The following GOLIM4 variants were observed in gnomAD, a reference collection of about 807,000 sequenced individuals.
GOLIM4 encodes the protein golgi integral membrane protein 4, also known as 130 kDa golgi-localized phosphoprotein.
A neutral mutation model predicts 107.4 loss-of-function variants in GOLIM4; 71 were observed. That is an observed-to-expected ratio of 0.66 (90% CI 0.55 to 0.81). The LOEUF is 0.81. Ranked by LOEUF, GOLIM4 falls within the 30% of genes least tolerant of loss-of-function variation. GOLIM4 has a pLI of 0.00. For missense variants in GOLIM4, 830 were observed against 826.1 expected (o/e 1.00, Z -0.06); for synonymous variants, 327 against 294.8 (o/e 1.11, Z -1.12).
chr3:168,048,226 A>T (rs1299233529), intron 2 of GOLIM4, 65 bp downstream of exon 2: 2 of 848,886 alleles, frequency 2.4e-6, no homozygotes, highest in Non-Finnish European at 3.9e-6. Flanking sequence ...ATTGTAAACC[A>T]AGTATATGAT....
At chr3:168,091,028 G>C (rs1280067199) in intron 1 of GOLIM4, among the ~76,000 whole-genome samples, 3 of 152,094 alleles carry the variant, frequency 2.0e-5, no homozygotes, top group African/African-American at 4.8e-5. Flanking sequence ...AGGCTAGCAG[G>C]GGGTGAGAGT....
chr3:168,038,973 C>G (rs1232650702), intron 7 of GOLIM4, among the ~76,000 whole-genome samples: 1 of 152,188 alleles, frequency 6.6e-6, no homozygotes, highest in East Asian at 1.9e-4. Context: ...GAGAATTCAA[C>G]AGTCTGCAAC....
chr3:168,047,873 C>A lies in GOLIM4; in HGVS notation c.262+418G>T, dbSNP rs578182101. On this transcript the variant is annotated intron_variant, in intron 2 of 15. Transcript: ENST00000470487. ...AATGGACAATGGGATCAATTCATTA[C>A]GGTATAAATATATATGTATGTGTAT... 3.3e-5 allele frequency among the ~76,000 whole-genome samples: 5 copies of A among 152,210 alleles called. No homozygotes were observed. In the South Asian group the frequency reaches 8.3e-4, roughly 25 times the overall value.
At chr3:168,040,406 A>G (rs1718914558) in intron 7 of GOLIM4, among the ~76,000 whole-genome samples, 1 of 152,224 alleles carries the variant, frequency 6.6e-6, no homozygotes, top group Non-Finnish European at 1.5e-5. Flanking sequence ...CAGAAGAAAA[A>G]GTCTGACAAT....
intron 1 of GOLIM4, among the ~76,000 whole-genome samples, chr3:168,075,169 A>G (rs1721007446): frequency 1.3e-5 from 2 of 152,206 alleles, no homozygotes; most frequent in African/African-American, 2.4e-5. Context: ...AGAAAAAACA[A>G]AAATAAAACT....
At chr3:168,059,413 T>A (rs972609867) in intron 1 of GOLIM4, among the ~76,000 whole-genome samples, 1 of 152,188 alleles carries the variant, frequency 6.6e-6, no homozygotes, top group Admixed American at 6.5e-5. Flanking sequence ...AAAATTAAAA[T>A]ATGCAACATA....
At chr3:168,037,222 C>A (rs1718706487) in intron 7 of GOLIM4, among the ~76,000 whole-genome samples, 1 of 152,112 alleles carries the variant, frequency 6.6e-6, no homozygotes, top group Admixed American at 6.5e-5. Flanking sequence ...ATATCTAAGA[C>A]AGATGTTAGT....
chr3:168,093,573 G>A (rs772935496), intron 1 of GOLIM4, among the ~76,000 whole-genome samples: 11 of 152,130 alleles, frequency 7.2e-5, no homozygotes, highest in Non-Finnish European at 1.5e-4. Context: ...TTTTCCCTTG[G>A]TCTGACTCCA....
chr3:168,024,887 T>C (rs1425183533), intron 13 of GOLIM4, 41 bp downstream of exon 13: 5 of 1,556,200 alleles, frequency 3.2e-6, no homozygotes, highest in South Asian at 2.2e-5. Context: ...TTTCTTAAAA[T>C]AGCCCAGTTA....
intron 14 of GOLIM4, among the ~76,000 whole-genome samples, chr3:168,021,860 T>C (rs183253968): frequency 1.3e-5 from 2 of 152,286 alleles, no homozygotes; most frequent in East Asian, 3.9e-4. Flanking sequence ...TCTGATTTCT[T>C]GGTCATTTAA....
Position 168,029,226 on chromosome 3 carries a change from C to T in GOLIM4, c.1510G>A (p.Gly504Arg). The part of the protein sequence containing the change: ...AEDQGIQGEE[G>R]AYERDNQHQD... ...ATCATCTAGGAAGTCTCACCACCTC[C>T]TTCCTCTCCTTGGATTCCCTGGTCC... Residue 504 changes from glycine (G) to arginine (R), a missense_variant, in exon 11 of 16, where the codon GGA becomes AGA. Gly to Arg is a moderately radical substitution (Grantham distance 125). Transcript: ENST00000470487. 6.3e-7 allele frequency: 1 copy of T among 1,591,534 alleles called. No individual in the cohort carries two copies. Among genetic ancestry groups the T allele is most frequent in the Non-Finnish European group, 8.6e-7 (1 of 1,160,622 alleles).
chr3:168,046,449 C>T (rs1183618260), intron 3 of GOLIM4, among the ~76,000 whole-genome samples: 1 of 152,188 alleles, frequency 6.6e-6, no homozygotes, highest in East Asian at 1.9e-4. Flanking sequence ...GACCCTGCGG[C>T]CTTCCGCAGT....
chr3:168,081,088 C>G (rs537285184), intron 1 of GOLIM4, among the ~76,000 whole-genome samples: 1 of 152,278 alleles, frequency 6.6e-6, no homozygotes, highest in African/African-American at 2.4e-5. Flanking sequence ...TAGCAGGATT[C>G]CAGCATGAGA....
chr3:168,072,658 G>C (rs1306741709), intron 1 of GOLIM4, among the ~76,000 whole-genome samples: 1 of 152,034 alleles, frequency 6.6e-6, no homozygotes, highest in South Asian at 2.1e-4. Flanking sequence ...TTTTTGGAGG[G>C]GGTGGGTGTC....
chr3:168,048,114 A>T (rs772088665), intron 2 of GOLIM4, among the ~76,000 whole-genome samples, 177 bp downstream of exon 2: 10 of 152,234 alleles, frequency 6.6e-5, no homozygotes, highest in Non-Finnish European at 1.3e-4. Flanking sequence ...CCAATCTTGT[A>T]TAGGGATTAT....
At chr3:168,078,656 G>A (rs1419347041) in intron 1 of GOLIM4, among the ~76,000 whole-genome samples, 1 of 152,040 alleles carries the variant, frequency 6.6e-6, no homozygotes, top group Non-Finnish European at 1.5e-5. Flanking sequence ...TTTTTCCAGA[G>A]GTAGCATTTC....
chr3:168,035,037 C>CAAAAAAAA (rs796736692), intron 8 of GOLIM4, among the ~76,000 whole-genome samples: 1 of 66,580 alleles, frequency 1.5e-5, no homozygotes, highest in Non-Finnish European at 3.9e-5. Context: ...AACAATCATA[C>CAAAAAAAA]AAAAAAAAAA....
In GOLIM4 at chr3:168,027,721, T is replaced by C. The variant is rs746232358; in HGVS notation, c.1623+7A>G. On this transcript the variant is annotated splice_region_variant and intron_variant, in intron 12 of 15. Coordinates refer to ENST00000470487, the MANE Select transcript of GOLIM4 (RefSeq NM_014498.5). Reference sequence around the variant, plus strand: ...CATGTGTCAGGGGCAGAAGAGAGGATACTTACATCTGCCTCAGATTCTGGG... The same window carrying C: ...CATGTGTCAGGGGCAGAAGAGAGGACACTTACATCTGCCTCAGATTCTGGG... 3.9e-6 allele frequency: 6 copies of C among 1,534,538 alleles called. No homozygotes were observed. In the East Asian group the frequency reaches 6.7e-5, roughly 17 times the overall value.
intron 8 of GOLIM4, 29 bp from the exon 9 acceptor site, chr3:168,032,881 A>C: frequency 6.7e-7 from 1 of 1,502,386 alleles, no homozygotes; most frequent in South Asian, 1.2e-5. Flanking sequence ...TGGGAATGAC[A>C]CTCTTCCAAT....
Sources: gnomAD v4.1 joint callset for allele counts (sites outside exome capture counted in the v4.1 genomes callset) on GRCh38, gnomAD v4.1.1 for gene constraint, MANE v1.5 for transcripts, NCBI Gene and HGNC (gene_info 2026-07-23, HGNC 2026-07-21) for gene names.